The following CSMD1 variants were observed in gnomAD, a reference collection of about 807,000 sequenced individuals.
The protein encoded by CSMD1 is CUB and sushi domain-containing protein 1.
CSMD1 carries 213 observed loss-of-function variants against 417.5 expected under a neutral mutation model. The ratio of observed to expected loss-of-function variants is 0.51; its 90% CI spans 0.46 to 0.57. The LOEUF (loss-of-function observed/expected upper bound fraction) is 0.57. Ranked by LOEUF, CSMD1 falls within the 20% of genes least tolerant of loss-of-function variation. The probability of loss-of-function intolerance (pLI) is 0.00; values close to 1 mark genes in which losing one functional copy is unlikely to be tolerated. For synonymous variants in CSMD1, 2,862 were observed against 1,736.8 expected (o/e 1.65, Z -16.11); for missense variants, 6,923 against 4,529.7 (o/e 1.53, Z -15.17).
intron 27 of CSMD1, among the ~76,000 whole-genome samples, chr8:3,227,120 G>T (rs1798553483): frequency 6.6e-6 from 1 of 152,082 alleles, no homozygotes; most frequent in African/African-American, 2.4e-5. Flanking sequence ...TTAAAAATGG[G>T]CTGGACACGA....
At chr8:4,453,161 G>GCCCGTT (rs1255345047) in intron 2 of CSMD1, among the ~76,000 whole-genome samples, 63 of 151,690 alleles carry the variant, frequency 4.2e-4, no homozygotes, top group African/African-American at 1.5e-3. Context: ...TATGGCACAA[G>GCCCGTT]CCCGTTCCCC....
chr8:4,837,930 GATA>G (rs1276610418), intron 1 of CSMD1, among the ~76,000 whole-genome samples: 4 of 152,008 alleles, frequency 2.6e-5, no homozygotes, highest in African/African-American at 9.7e-5. Context: ...CTAAAAGACA[GATA>G]TAGACACAAT....
At chr8:4,814,994 T>C (rs1410962832) in intron 1 of CSMD1, among the ~76,000 whole-genome samples, 2 of 152,114 alleles carry the variant, frequency 1.3e-5, no homozygotes, top group South Asian at 2.1e-4. Flanking sequence ...TCATTTTCCG[T>C]TTTTTAAATT....
At position 4,021,934 on chromosome 8, in the gene CSMD1, T is replaced by A. The variant is rs117129355; in HGVS notation, c.610+9971A>T. Among the ~76,000 whole-genome samples the A allele has an allele frequency of 2.5e-3, 387 of 152,110 alleles. 12 individuals are homozygous for A. In the East Asian group the frequency reaches 0.064, roughly 25 times the overall value. ...CATCAACAAAGCTGACTAGCTCTTT[T>A]GATCTTTATTTTTTTCAACTAGCTT... On this transcript the variant is annotated intron_variant, in intron 4 of 69. Transcript: ENST00000635120.
At chr8:4,260,290 T>G (rs770016686) in intron 3 of CSMD1, among the ~76,000 whole-genome samples, 4 of 152,232 alleles carry the variant, frequency 2.6e-5, no homozygotes, top group Admixed American at 6.5e-5. Flanking sequence ...ATTTGTTCAT[T>G]GAACATCAAT....
At chr8:4,949,498 G>T (rs1016049674) in intron 1 of CSMD1, among the ~76,000 whole-genome samples, 1 of 152,110 alleles carries the variant, frequency 6.6e-6, no homozygotes, top group African/African-American at 2.4e-5. Context: ...TCAACCAGGG[G>T]CAATTCTGCC....
chr8:4,512,897 A>C (rs914901218), intron 2 of CSMD1, among the ~76,000 whole-genome samples: 36 of 152,266 alleles, frequency 2.4e-4, no homozygotes, highest in African/African-American at 8.4e-4. Flanking sequence ...GAAAGAAGTT[A>C]ATTTGAAAAA....
intron 2 of CSMD1, among the ~76,000 whole-genome samples, chr8:4,610,748 C>CA (rs1470875607): frequency 6.6e-6 from 1 of 152,152 alleles, no homozygotes; most frequent in Admixed American, 6.5e-5. Context: ...ACTACACTGC[C>CA]AATTATATGT....
At chr8:3,099,396 T>C (rs771695953) in intron 46 of CSMD1, among the ~76,000 whole-genome samples, 1 of 152,178 alleles carries the variant, frequency 6.6e-6, no homozygotes, top group Non-Finnish European at 1.5e-5. Flanking sequence ...CTGCCTCTTC[T>C]GTCTGTGGTG....
rs376218329 is a variant in CSMD1, at chr8:4,280,034, C to G, written c.415+139919G>C. 4.6e-5 allele frequency among the ~76,000 whole-genome samples: 7 copies of G among 152,358 alleles called. No homozygotes were observed. The East Asian group carries it at 1.2e-3, about 25-fold the overall frequency. On this transcript the variant is annotated intron_variant, in intron 3 of 69. Transcript: ENST00000635120. ...GCTGCTTCCTTCCCAGCCTAGAACA[C>G]AGTGAACTCATAGCTAGAACGCTGA...
chr8:3,022,205 G>A (rs779643196), intron 51 of CSMD1, among the ~76,000 whole-genome samples: 31 of 149,042 alleles, frequency 2.1e-4, no homozygotes, highest in Admixed American at 4.7e-4. Flanking sequence ...GAATGCACCC[G>A]CAGCCCCACA....
intron 3 of CSMD1, among the ~76,000 whole-genome samples, chr8:4,119,502 C>G (rs1251513543): frequency 2.0e-5 from 3 of 152,256 alleles, no homozygotes; most frequent in African/African-American, 4.8e-5. Flanking sequence ...CCTCAATGTC[C>G]TGGTATTTGT....
intron 1 of CSMD1, among the ~76,000 whole-genome samples, chr8:4,857,135 T>C (rs558803733): frequency 6.6e-6 from 1 of 151,014 alleles, no homozygotes; most frequent in African/African-American, 2.4e-5. Context: ...CTCAACTACA[T>C]GGAAACTGAA....
chr8:4,180,542 C>T (rs1157404341), intron 3 of CSMD1, among the ~76,000 whole-genome samples: 1 of 151,578 alleles, frequency 6.6e-6, no homozygotes, highest in Non-Finnish European at 1.5e-5. Context: ...CTAACCTGCA[C>T]ATTGTGCACA....
chr8:4,393,548 G>A (rs965697291), intron 3 of CSMD1, among the ~76,000 whole-genome samples: 1 of 152,174 alleles, frequency 6.6e-6, no homozygotes, highest in Non-Finnish European at 1.5e-5. Flanking sequence ...GCAACAGCTA[G>A]ATAAGCATGC....
chr8:3,691,504 A>G (rs1380231922), intron 7 of CSMD1, among the ~76,000 whole-genome samples: 1 of 152,224 alleles, frequency 6.6e-6, no homozygotes, highest in Admixed American at 6.5e-5. Context: ...CAAGGCATCT[A>G]GAAACTTGGC....
intron 8 of CSMD1, among the ~76,000 whole-genome samples, chr8:3,609,683 T>C (rs1279195335): frequency 6.6e-6 from 1 of 151,940 alleles, no homozygotes; most frequent in Non-Finnish European, 1.5e-5. Flanking sequence ...CATCTTGGCC[T>C]TGTTGGTTGT....
At chr8:3,113,788 G>C (rs897525869) in intron 42 of CSMD1, among the ~76,000 whole-genome samples, 2 of 152,208 alleles carry the variant, frequency 1.3e-5, no homozygotes, top group African/African-American at 2.4e-5. Flanking sequence ...CAACTGGGGG[G>C]TTGGCACACC....
rs11984460 is a variant in CSMD1, at chr8:4,468,176, C to G, written c.303-48111G>C. ...CTCTATTTTCTGTGCTCTAACAGCA[C>G]TTGTCACGCTGTGTAAGTTGAGAAA... On this transcript the variant is annotated intron_variant, in intron 2 of 69. Transcript: ENST00000635120. Among the ~76,000 whole-genome samples the G allele has an allele frequency of 2.5e-3, 384 of 152,272 alleles. 1 individual carries two copies. Among genetic ancestry groups the G allele is most frequent in the African/African-American group, 7.4e-3 (308 of 41,554 alleles).
Sources: gnomAD v4.1 joint callset for allele counts (sites outside exome capture counted in the v4.1 genomes callset) on GRCh38, gnomAD v4.1.1 for gene constraint, MANE v1.5 for transcripts, NCBI Gene and HGNC (gene_info 2026-07-23, HGNC 2026-07-21) for gene names.